The following MAST4 variants were observed in gnomAD, a reference collection of about 807,000 sequenced individuals.
The protein encoded by MAST4 is microtubule associated serine/threonine kinase family member 4.
A neutral mutation model predicts 162.7 loss-of-function variants in MAST4; 89 were observed. That is an observed-to-expected ratio of 0.55 (90% confidence interval 0.46 to 0.65). The LOEUF is 0.65. Ranked by LOEUF, MAST4 falls within the 30% of genes least tolerant of loss-of-function variation. The pLI, the probability that MAST4 is intolerant of heterozygous loss-of-function variation, is 0.00. For missense variants in MAST4, 3,153 were observed against 3,374.0 expected, an observed-to-expected ratio of 0.93 and a Z score of 1.62; for synonymous variants, 1,479 against 1,361.1, an observed-to-expected ratio of 1.09 and a Z score of -1.91.
In MAST4 at chr5:67,166,970, T is replaced by G. The variant is rs774926472; in HGVS notation, c.7791T>G (p.Leu2597=). 6.2e-7 allele frequency: 1 copy of G among 1,612,558 alleles called. No individual in the cohort carries two copies. The highest frequency in any genetic ancestry group is 8.5e-7 in the Non-Finnish European group (1 of 1,179,684). Residue 2597 remains leucine (L), a synonymous_variant, in exon 29 of 29, where the codon CTT becomes CTG. Coordinates refer to ENST00000403625, the MANE Select transcript of MAST4 (RefSeq NM_001164664.2). ...CAAACACTGACCGCCCCATCTCTCT[T>G]TCTAATGAGAAGGACTTTGTGGTAC... ...PAPNTDRPIS[L]SNEKDFVVRQ...
At chr5:66,724,944 A>G (rs367876525) in intron 1 of MAST4, among the ~76,000 whole-genome samples, 1 of 152,122 alleles carries the variant, frequency 6.6e-6, no homozygotes, top group East Asian at 1.9e-4. Flanking sequence ...GGCCACAGCC[A>G]TCCCTTTGTT....
intron 3 of MAST4, among the ~76,000 whole-genome samples, chr5:66,866,350 A>C: frequency 6.6e-6 from 1 of 152,192 alleles, no homozygotes; most frequent in East Asian, 1.9e-4. Context: ...AGTTTCATAA[A>C]TTGTGATTAG....
rs7736324 is a variant in MAST4 at position 66,644,083 on chromosome 5, T to G, written c.363+47065T>G. Among the ~76,000 whole-genome samples the G allele has an allele frequency of 5.7e-3, 871 of 152,168 alleles. 10 individuals carry two copies. The highest frequency in any genetic ancestry group is 0.02 in the African/African-American group (844 of 41,544). On this transcript the variant is annotated intron_variant, in intron 1 of 28. Coordinates refer to ENST00000403625, the MANE Select transcript of MAST4 (RefSeq NM_001164664.2). ...GTGTTCTTAGATTGTTAGTACCTAC[T>G]GTATTTTAGTAGTCAGTAAACTGTT...
At chr5:66,633,909 C>T (rs1255667031) in intron 1 of MAST4, among the ~76,000 whole-genome samples, 1 of 152,100 alleles carries the variant, frequency 6.6e-6, no homozygotes, top group African/African-American at 2.4e-5. Context: ...GTGGCACACT[C>T]CTGAGAAAAA....
intron 4 of MAST4, among the ~76,000 whole-genome samples, chr5:66,979,471 G>T (rs570154429): frequency 4.7e-4 from 72 of 152,278 alleles, no homozygotes; most frequent in African/African-American, 1.7e-3. Context: ...AGTAAGCCTG[G>T]TGTTCTGCTT....
At chr5:66,672,745 T>C (rs1747686732) in intron 1 of MAST4, among the ~76,000 whole-genome samples, 1 of 152,228 alleles carries the variant, frequency 6.6e-6, no homozygotes, top group African/African-American at 2.4e-5. Context: ...CCAGTGAACA[T>C]TTCTGTCCTT....
intron 1 of MAST4, among the ~76,000 whole-genome samples, chr5:66,618,502 G>A (rs371319341): frequency 2.6e-5 from 4 of 152,172 alleles, no homozygotes; most frequent in Admixed American, 6.5e-5. Flanking sequence ...ATTTTAGTGT[G>A]TATGCTTTTG....
At chr5:67,157,691 G>A (rs1050650318) in intron 26 of MAST4, among the ~76,000 whole-genome samples, 2 of 152,106 alleles carry the variant, frequency 1.3e-5, no homozygotes, top group African/African-American at 4.8e-5. Flanking sequence ...AGGAGCTTTG[G>A]GGGTGAGCAG....
chr5:66,930,641 C>T (rs1026054892), intron 4 of MAST4: 47 of 448,550 alleles, frequency 1.0e-4, no homozygotes, highest in Admixed American at 2.9e-4. Context: ...ATAAAAACTT[C>T]CCTGACAATA....
intron 4 of MAST4, among the ~76,000 whole-genome samples, chr5:66,963,031 G>C (rs947578169): frequency 1.4e-5 from 2 of 142,078 alleles, no homozygotes. Flanking sequence ...GAATTGGCTG[G>C]AATAATCATG....
At chr5:66,899,803 T>C (rs762250546) in intron 3 of MAST4, 148 bp from the exon 4 acceptor site, 107 of 591,810 alleles carry the variant, frequency 1.8e-4, no homozygotes, top group Middle Eastern at 4.7e-4. Flanking sequence ...GGATCCAGCA[T>C]AAAATTATGA....
intron 3 of MAST4, among the ~76,000 whole-genome samples, chr5:66,847,512 T>C (rs992034922): frequency 6.6e-6 from 1 of 152,134 alleles, no homozygotes; most frequent in African/African-American, 2.4e-5. Context: ...TGGACGCCTG[T>C]AATTCCAGAT....
chr5:66,687,662 A>G (rs1028918212), intron 1 of MAST4, among the ~76,000 whole-genome samples: 1 of 148,476 alleles, frequency 6.7e-6, no homozygotes, highest in South Asian at 2.1e-4. Context: ...CTATCTATCT[A>G]TCTATCTATC....
chr5:66,617,440 T>C (rs2149402345), intron 1 of MAST4, among the ~76,000 whole-genome samples: 1 of 152,266 alleles, frequency 6.6e-6, no homozygotes, highest in Admixed American at 6.5e-5. Flanking sequence ...CCAGTGTTTT[T>C]TCACACTTTG....
intron 2 of MAST4, among the ~76,000 whole-genome samples, chr5:66,787,591 G>A (rs1246684834): frequency 6.6e-6 from 1 of 152,210 alleles, no homozygotes; most frequent in Non-Finnish European, 1.5e-5. Flanking sequence ...CTTGTGAGAT[G>A]CATGCCTGAG....
At chr5:66,966,691 G>A (rs1490568119) in intron 4 of MAST4, among the ~76,000 whole-genome samples, 2 of 152,184 alleles carry the variant, frequency 1.3e-5, no homozygotes, top group African/African-American at 4.8e-5. Context: ...TCTAACAATA[G>A]GGAAGCCTGG....
Position 66,867,810 on chromosome 5 carries a change from G to C in MAST4, c.643-32141G>C, listed in dbSNP as rs138125471. ...AATAAGCCATTCAGTTTAGAGCCCT[G>C]TGGGGCTTGCCCAGATCTAATTTGT... is the stretch of plus-strand genomic sequence containing the variant. On this transcript the variant is annotated intron_variant, in intron 3 of 28. Coordinates refer to ENST00000403625, the MANE Select transcript of MAST4 (RefSeq NM_001164664.2). Among the ~76,000 whole-genome samples, 110 of 152,348 alleles carry C rather than the reference G, an allele frequency of 7.2e-4. 1 individual carries two copies. The highest frequency in any genetic ancestry group is 2.4e-3 in the African/African-American group (99 of 41,586).
intron 3 of MAST4, among the ~76,000 whole-genome samples, chr5:66,899,293 A>C (rs1430453682): frequency 6.6e-6 from 1 of 152,174 alleles, no homozygotes; most frequent in East Asian, 1.9e-4. Context: ...AGAATCTTAA[A>C]ATTGAGATAA....
intron 4 of MAST4, among the ~76,000 whole-genome samples, chr5:66,935,489 G>A (rs1043029432): frequency 6.6e-6 from 1 of 151,902 alleles, no homozygotes; most frequent in African/African-American, 2.4e-5. Flanking sequence ...TCCCTCAGCT[G>A]TCGTTCTAGT....
Sources: gnomAD v4.1 joint callset for allele counts (sites outside exome capture counted in the v4.1 genomes callset) on GRCh38, gnomAD v4.1.1 for gene constraint, MANE v1.5 for transcripts, NCBI Gene and HGNC (gene_info 2026-07-23, HGNC 2026-07-21) for gene names.